Variants in SHISA9 observed in about 807,000 individuals in gnomAD.
SHISA9 encodes the protein protein shisa-9.
SHISA9 carries 13 observed loss-of-function variants against 38.0 expected under a neutral mutation model. That is an observed-to-expected ratio of 0.34 (90% CI 0.22 to 0.54). SHISA9 has a LOEUF of 0.54. Among genes scored for constraint, SHISA9 ranks in the 20% least tolerant of loss-of-function variants. The pLI is 0.91. For synonymous variants in SHISA9, 275 were observed against 242.0 expected (o/e 1.14, Z -1.27); for missense variants, 538 against 575.8 (o/e 0.93, Z 0.67).
intron 2 of SHISA9, among the ~76,000 whole-genome samples, chr16:13,160,583 C>G (rs1033682877): frequency 6.6e-6 from 1 of 152,170 alleles, no homozygotes; most frequent in African/African-American, 2.4e-5. Context: ...CACGTTTTGT[C>G]AATGCAGTCA....
chr16:12,969,792 A>G (rs1322786591), intron 2 of SHISA9, among the ~76,000 whole-genome samples: 2 of 152,194 alleles, frequency 1.3e-5, no homozygotes, highest in Non-Finnish European at 2.9e-5. Flanking sequence ...TGAAGTGTAC[A>G]CTGGAAACAG....
At chr16:12,909,002 C>G in intron 1 of SHISA9, 1 of 1,001,486 alleles carries the variant, frequency 1.0e-6, no homozygotes, top group East Asian at 1.1e-4. Flanking sequence ...ATAAATGCAC[C>G]TCCTCCTCTT....
the SHISA9 span, among the ~76,000 whole-genome samples, chr16:13,558,164 T>C: frequency 6.6e-6 from 1 of 152,340 alleles, no homozygotes; most frequent in South Asian, 2.1e-4. Flanking sequence ...GCCCCGAGTT[T>C]GCTGTGTGAT....
Position 13,239,954 on chromosome 16 carries a change from C to T in SHISA9, c.*4545C>T, listed in dbSNP as rs10521099. ...TGACTTCCATGTACCAAGACAAGGA[C>T]GCTATAGCTAGGGTAGTGAGACCTA... On this transcript the variant is annotated 3_prime_UTR_variant, in exon 5 of 5. Coordinates refer to ENST00000558583, the MANE Select transcript of SHISA9 (RefSeq NM_001145204.3). The T allele has an allele frequency of 0.042, 6,442 of 152,272 alleles. 141 individuals are homozygous for T. The highest frequency in any genetic ancestry group is 0.061 in the East Asian group (315 of 5,174). 9.4% of individuals were successfully genotyped at this position (152,272 alleles called of 1,614,324 possible).
chr16:13,005,102 G>A (rs1051275147), intron 2 of SHISA9, among the ~76,000 whole-genome samples: 1 of 152,088 alleles, frequency 6.6e-6, no homozygotes, highest in African/African-American at 2.4e-5. Flanking sequence ...CCCTTGGAGA[G>A]GAGGTGCCAT....
the SHISA9 span, among the ~76,000 whole-genome samples, chr16:13,394,699 C>T: frequency 2.0e-5 from 3 of 152,316 alleles, no homozygotes; most frequent in Admixed American, 2.0e-4. Context: ...CGTGTTCTTC[C>T]ACACCATAGC....
chr16:13,334,644 G>A, the SHISA9 span, among the ~76,000 whole-genome samples: 2 of 151,714 alleles, frequency 1.3e-5, no homozygotes, highest in Non-Finnish European at 2.9e-5. Flanking sequence ...CGTGGTGGCG[G>A]GCGCCTGTAA....
At chr16:13,015,335 A>G (rs1009373300) in intron 2 of SHISA9, among the ~76,000 whole-genome samples, 7 of 152,260 alleles carry the variant, frequency 4.6e-5, no homozygotes, top group Non-Finnish European at 7.3e-5. Flanking sequence ...TGCTTTAGCT[A>G]TAATGAATAC....
At chr16:12,973,069 T>C (rs1567169021) in intron 2 of SHISA9, among the ~76,000 whole-genome samples, 2 of 152,138 alleles carry the variant, frequency 1.3e-5, no homozygotes, top group East Asian at 3.9e-4. Context: ...TGAGCTGAGA[T>C]TGTGCCGCTG....
the SHISA9 span, among the ~76,000 whole-genome samples, chr16:13,340,099 A>G: frequency 5.3e-5 from 8 of 152,154 alleles, no homozygotes; most frequent in African/African-American, 1.9e-4. Flanking sequence ...TCATTTCTAC[A>G]TCTATAAAAT....
intron 2 of SHISA9, among the ~76,000 whole-genome samples, chr16:13,144,307 C>G (rs2050428326): frequency 6.6e-6 from 1 of 152,038 alleles, no homozygotes; most frequent in South Asian, 2.1e-4. Flanking sequence ...AGTGTGCCAC[C>G]ATGCCTAGCT....
the SHISA9 span, among the ~76,000 whole-genome samples, chr16:13,519,612 C>T: frequency 6.6e-6 from 1 of 151,980 alleles, no homozygotes; most frequent in East Asian, 1.9e-4. Context: ...GAAGAAATAC[C>T]CGAGACTGGG....
chr16:13,533,694 T>G, the SHISA9 span, among the ~76,000 whole-genome samples: 1 of 151,998 alleles, frequency 6.6e-6, no homozygotes, highest in African/African-American at 2.4e-5. Flanking sequence ...TATCACTGCT[T>G]CAATTGTCCC....
chr16:13,106,714 GC>G (rs1378114263), intron 2 of SHISA9, among the ~76,000 whole-genome samples: 3 of 152,088 alleles, frequency 2.0e-5, no homozygotes, highest in African/African-American at 7.2e-5. Context: ...GCCAATCTGT[GC>G]CTTCTCTGGG....
chr16:12,922,004 G>T (rs2071335094), intron 2 of SHISA9, among the ~76,000 whole-genome samples: 1 of 152,172 alleles, frequency 6.6e-6, no homozygotes, highest in Admixed American at 6.5e-5. Flanking sequence ...TGGTTAGGTG[G>T]CTTGTCTAAA....
At chr16:13,309,919 C>T in the SHISA9 span, among the ~76,000 whole-genome samples, 1 of 152,092 alleles carries the variant, frequency 6.6e-6, no homozygotes, top group Non-Finnish European at 1.5e-5. Flanking sequence ...CAGAGTCTCA[C>T]TCTTGTTGCC....
At chr16:13,329,555 A>C in the SHISA9 span, among the ~76,000 whole-genome samples, 1 of 152,136 alleles carries the variant, frequency 6.6e-6, no homozygotes, top group African/African-American at 2.4e-5. Context: ...GAGTTCTGCT[A>C]TGTCACTCTC....
chr16:13,345,332 C>T, the SHISA9 span, among the ~76,000 whole-genome samples: 1 of 152,136 alleles, frequency 6.6e-6, no homozygotes, highest in African/African-American at 2.4e-5. Context: ...ATTTAGCTCC[C>T]ACTTGTAAGT....
chr16:13,476,759 T>TTG, the SHISA9 span, among the ~76,000 whole-genome samples: 4 of 126,250 alleles, frequency 3.2e-5, no homozygotes, highest in African/African-American at 9.9e-5. Flanking sequence ...TTTTTTTTTT[T>TTG]TTTTTTTGAG....
Sources: gnomAD v4.1 joint callset for allele counts (sites outside exome capture counted in the v4.1 genomes callset) on GRCh38, gnomAD v4.1.1 for gene constraint, MANE v1.5 for transcripts, NCBI Gene and HGNC (gene_info 2026-07-23, HGNC 2026-07-21) for gene names.